Variants in TANGO6 observed in about 807,000 individuals in gnomAD.
TANGO6 encodes the protein transport and Golgi organization protein 6 homolog.
TANGO6 carries 90 observed loss-of-function variants against 114.2 expected under a neutral mutation model. That is an observed-to-expected ratio of 0.79 (90% CI 0.66 to 0.94). The LOEUF is 0.94. Ranked by LOEUF, TANGO6 falls within the 40% of genes least tolerant of loss-of-function variation. TANGO6 has a pLI of 0.00. For synonymous variants in TANGO6, 477 were observed against 509.8 expected (o/e 0.94, Z 0.87); for missense variants, 1,274 against 1,315.3 (o/e 0.97, Z 0.49).
chr16:68,938,806 A>T (rs926708360), intron 14 of TANGO6, among the ~76,000 whole-genome samples: 8 of 152,112 alleles, frequency 5.3e-5, no homozygotes, highest in African/African-American at 1.9e-4. Flanking sequence ...AGAGTCAATT[A>T]TCAAGTTCTA....
intron 14 of TANGO6, among the ~76,000 whole-genome samples, chr16:68,966,802 C>T (rs1016766926): frequency 4.8e-5 from 7 of 146,378 alleles, no homozygotes; most frequent in African/African-American, 1.5e-4. Flanking sequence ...GAGACAGTCT[C>T]GCTCTGTCAC....
chr16:68,926,124 A>T (rs192005944), intron 12 of TANGO6, among the ~76,000 whole-genome samples: 263 of 152,154 alleles, frequency 1.7e-3, no homozygotes, highest in African/African-American at 5.6e-3. Flanking sequence ...CTCATTTTAG[A>T]TGCTTTAAAA....
chr16:68,970,559 C>T (rs1191529362), intron 14 of TANGO6, among the ~76,000 whole-genome samples: 1 of 150,934 alleles, frequency 6.6e-6, no homozygotes, highest in Non-Finnish European at 1.5e-5. Flanking sequence ...CCCAGCTACT[C>T]AGGAGGCTGA....
chr16:68,919,199 A>C lies in TANGO6; in HGVS notation c.2107A>C (p.Met703Leu), dbSNP rs557273049. 5.0e-6 allele frequency: 8 copies of C among 1,612,804 alleles called. No individual in the cohort carries two copies. The highest frequency in any genetic ancestry group is 5.9e-6 in the Non-Finnish European group (7 of 1,179,592). The change falls in exon 12 of 18, where the codon ATG becomes CTG. Residue 703 changes from methionine to leucine, a missense_variant. Transcript: ENST00000261778. ...CATGTCCATGGGGCTGGTGGCTGTC[A>C]TGCTAGGAGGAGCTGTTCAGGTGAG... is the stretch of plus-strand genomic sequence containing the variant. ...LSMSMGLVAVMLGGAVQLKSS... is the reference protein window; with the variant it reads ...LSMSMGLVAVLLGGAVQLKSS...
At position 68,991,154 on chromosome 16, in the gene TANGO6, G is replaced by C. The variant is rs542138005; in HGVS notation, c.2842+16986G>C. Among the ~76,000 whole-genome samples the C allele has an allele frequency of 9.8e-5, 15 of 152,308 alleles. No individual in the cohort carries two copies. The East Asian group carries it at 2.9e-3, about 29-fold the overall frequency. On this transcript the variant is annotated intron_variant, in intron 15 of 17. Coordinates refer to ENST00000261778, the MANE Select transcript of TANGO6 (RefSeq NM_024562.2). The stretch of plus-strand genomic sequence containing the variant: ...GTGTTGGGTACCTTGGAGAAGAAAG[G>C]CTAGATAGACAGGGTAGAGCCATAC...
intron 14 of TANGO6, among the ~76,000 whole-genome samples, chr16:68,933,025 T>C (rs1963262384): frequency 6.6e-6 from 1 of 152,216 alleles, no homozygotes; most frequent in African/African-American, 2.4e-5. Flanking sequence ...CATCAGAATC[T>C]TCACTATTAC....
At position 68,963,392 on chromosome 16, in the gene TANGO6, C is replaced by T. The variant is rs530859852; in HGVS notation, c.2702-10636C>T. 2.0e-5 allele frequency among the ~76,000 whole-genome samples: 3 copies of T among 152,322 alleles called. No individual in the cohort carries two copies. In the South Asian group the frequency reaches 6.2e-4, roughly 32 times the overall value. ...TCGGCCTCCCAAAGTGCTGGGATTACAGGTGTGAACCACCATGCCCAGCCC... is the reference window on the plus strand; with the variant it reads ...TCGGCCTCCCAAAGTGCTGGGATTATAGGTGTGAACCACCATGCCCAGCCC... On this transcript the variant is annotated intron_variant, in intron 14 of 17. Coordinates refer to ENST00000261778, the MANE Select transcript of TANGO6 (RefSeq NM_024562.2).
intron 15 of TANGO6, among the ~76,000 whole-genome samples, chr16:69,020,900 A>ATGTGTGTGTGTGTG (rs764050755): frequency 6.3e-5 from 8 of 126,478 alleles, no homozygotes; most frequent in African/African-American, 1.8e-4. Context: ...TTATATATGT[A>ATGTGTGTGTGTGTG]TGTATGTGTG....
intron 17 of TANGO6, among the ~76,000 whole-genome samples, chr16:69,081,310 C>A (rs1312680385): frequency 2.2e-4 from 33 of 151,404 alleles, no homozygotes; most frequent in Admixed American, 2.2e-3. Flanking sequence ...TCACATGACC[C>A]CCTGTGGCCC....
In TANGO6 at chr16:68,974,155, C is replaced by T. The variant is rs767511073; in HGVS notation, c.2829C>T (p.Ile943=). The T allele has an allele frequency of 8.7e-6, 14 of 1,613,796 alleles. No individual in the cohort carries two copies. Among genetic ancestry groups the T allele is most frequent in the African/African-American group, 6.7e-5 (5 of 74,890 alleles). ...RMKVGEVLMR[I]VRALGDMVSK... is the part of the protein sequence containing the mutation. ...AAGTCGGGGAAGTCCTTATGCGAAT[C>T]GTCAGGGCATTAGGTGAGTTTTCTT... The change falls in exon 15 of 18, where the codon ATC becomes ATT. Residue 943 remains isoleucine (I), a synonymous_variant. Coordinates refer to ENST00000261778, the MANE Select transcript of TANGO6 (RefSeq NM_024562.2).
intron 14 of TANGO6, chr16:68,973,116 A>G (rs1009788584): frequency 1.8e-5 from 8 of 455,930 alleles, no homozygotes; most frequent in Non-Finnish European, 3.5e-5. Flanking sequence ...TTCAAACCAA[A>G]TAGCTCCATC....
chr16:69,035,543 A>T (rs1256216291), intron 16 of TANGO6: 4 of 152,198 alleles, frequency 2.6e-5, no homozygotes, highest in Non-Finnish European at 4.4e-5. Flanking sequence ...AGTTCTGGTT[A>T]TGCTTGGTGT....
chr16:69,026,096 G>C (rs184543138), intron 16 of TANGO6: 1 of 152,098 alleles, frequency 6.6e-6, no homozygotes, highest in Non-Finnish European at 1.5e-5. Context: ...CCGCCTCCCG[G>C]GTTCAAGTAA....
chr16:68,951,927 G>A (rs78648354), intron 14 of TANGO6, among the ~76,000 whole-genome samples: 4,448 of 151,978 alleles, frequency 0.029, 235 homozygotes, highest in African/African-American at 0.1. Flanking sequence ...CTGCTCTTAC[G>A]GATGGTAAAA....
At chr16:69,060,305 A>G (rs1960095354) in intron 17 of TANGO6, among the ~76,000 whole-genome samples, 4 of 152,250 alleles carry the variant, frequency 2.6e-5, no homozygotes, top group Admixed American at 2.6e-4. Context: ...GGTGTGAGCC[A>G]CTGCCCCCAG....
intron 14 of TANGO6, among the ~76,000 whole-genome samples, chr16:68,934,752 TA>T (rs1244125871): frequency 6.6e-6 from 1 of 152,204 alleles, no homozygotes; most frequent in Non-Finnish European, 1.5e-5. Context: ...TTCATTGATT[TA>T]TTTTTTTTAA....
rs1429050206 is a variant in TANGO6, at chr16:69,084,580, A to G, written c.*919A>G. Reference sequence around the variant, plus strand: ...TTTCAGATATAGCACTGTGGTCTCCACTTTATTTCTTTATATGTTTTGGCC... The same window carrying G: ...TTTCAGATATAGCACTGTGGTCTCCGCTTTATTTCTTTATATGTTTTGGCC... On this transcript the variant is annotated 3_prime_UTR_variant, in exon 18 of 18. Transcript: ENST00000261778. The G allele has an allele frequency of 2.0e-5, 3 of 152,380 alleles. No individual in the cohort carries two copies. The highest frequency in any genetic ancestry group is 4.4e-5 in the Non-Finnish European group (3 of 68,048). 9.4% of individuals were successfully genotyped at this position (152,380 alleles called of 1,614,324 possible). A position where few individuals can be genotyped will look rare whatever the true frequency, so the allele number is the denominator to read the frequency against.
chr16:69,081,796 G>A (rs1176870305), intron 17 of TANGO6, among the ~76,000 whole-genome samples: 2 of 151,436 alleles, frequency 1.3e-5, no homozygotes, highest in Admixed American at 1.3e-4. Context: ...TAAAATCGGA[G>A]CATTGGTCAT....
At chr16:68,855,410 C>T (rs1262438228) in intron 1 of TANGO6, among the ~76,000 whole-genome samples, 1 of 147,462 alleles carries the variant, frequency 6.8e-6, no homozygotes, top group Non-Finnish European at 1.5e-5. Context: ...GGTGAAACCC[C>T]ATCTCTACTA....
Sources: gnomAD v4.1 joint callset for allele counts (sites outside exome capture counted in the v4.1 genomes callset) on GRCh38, gnomAD v4.1.1 for gene constraint, MANE v1.5 for transcripts, NCBI Gene and HGNC (gene_info 2026-07-23, HGNC 2026-07-21) for gene names.